MYO1H: variants seen among roughly 807,000 people sequenced by gnomAD.
MYO1H encodes the protein unconventional myosin-Ih.
MYO1H carries 118 observed loss-of-function variants against 149.3 expected under a neutral mutation model. The observed-to-expected ratio is 0.79, with a 90% CI of 0.68 to 0.92. The LOEUF is 0.92. MYO1H is among the 40% of genes least tolerant of loss of function. The pLI is 0.00. For synonymous variants in MYO1H, 447 were observed against 465.2 expected (o/e 0.96, Z 0.50); for missense variants, 1,212 against 1,280.7 (o/e 0.95, Z 0.82).
chr12:109,353,839 A>T (rs1868522204), intron 1 of MYO1H, among the ~76,000 whole-genome samples: 1 of 152,070 alleles, frequency 6.6e-6, no homozygotes, highest in Non-Finnish European at 1.5e-5. Flanking sequence ...TTTTTAGTAG[A>T]AACGGGGTTT....
At chr12:109,432,229 C>G (rs1871658071) in intron 19 of MYO1H, among the ~76,000 whole-genome samples, 1 of 152,052 alleles carries the variant, frequency 6.6e-6, no homozygotes. Context: ...TGGTCTCGAT[C>G]TCTTGACCTT....
At chr12:109,337,955 A>G in the MYO1H span, among the ~76,000 whole-genome samples, 1 of 152,170 alleles carries the variant, frequency 6.6e-6, no homozygotes, top group African/African-American at 2.4e-5. Context: ...CTACATAGGT[A>G]CAAAAAGCTC....
chr12:109,434,722 C>T (rs933182143), intron 20 of MYO1H, among the ~76,000 whole-genome samples: 4 of 152,184 alleles, frequency 2.6e-5, no homozygotes, highest in African/African-American at 9.7e-5. Flanking sequence ...CCTGCGGGAG[C>T]CTCTTTTAGC....
At chr12:109,334,065 G>A in the MYO1H span, among the ~76,000 whole-genome samples, 236 of 151,800 alleles carry the variant, frequency 1.6e-3, no homozygotes, top group African/African-American at 5.1e-3. Context: ...CGCCCAGGCC[G>A]GAGTACAGTG....
At chr12:109,424,937 T>C (rs1290977221) in intron 17 of MYO1H, 109 bp downstream of exon 17, 1 of 767,216 alleles carries the variant, frequency 1.3e-6, no homozygotes, top group East Asian at 2.7e-5. Context: ...AGTATTACTC[T>C]CTAACAGATT....
chr12:109,312,338 G>A, the MYO1H span, among the ~76,000 whole-genome samples: 1 of 152,040 alleles, frequency 6.6e-6, no homozygotes, highest in Admixed American at 6.6e-5. Flanking sequence ...TCAGCCTCCC[G>A]AGTAGCTGGG....
the MYO1H span, among the ~76,000 whole-genome samples, chr12:109,315,506 C>A: frequency 6.6e-6 from 1 of 152,202 alleles, no homozygotes; most frequent in Non-Finnish European, 1.5e-5. Flanking sequence ...CACAGACAGG[C>A]TTTGTTTGGC....
At chr12:109,381,379 G>T (rs1005402615) in intron 1 of MYO1H, among the ~76,000 whole-genome samples, 3 of 152,106 alleles carry the variant, frequency 2.0e-5, no homozygotes, top group African/African-American at 7.2e-5. Context: ...CACTACCGCA[G>T]TCCAGGCTGG....
At chr12:109,399,262 C>T (rs912395712) in intron 5 of MYO1H, among the ~76,000 whole-genome samples, 1 of 152,062 alleles carries the variant, frequency 6.6e-6, no homozygotes, top group Admixed American at 6.6e-5. Flanking sequence ...TATGTGTCCA[C>T]CTCTGTAACC....
At chr12:109,420,917 G>T in intron 15 of MYO1H, 64 bp from the exon 16 acceptor site, 1 of 850,640 alleles carries the variant, frequency 1.2e-6, no homozygotes, top group South Asian at 1.4e-5. Context: ...GCAATGAGTT[G>T]GGATGGAATT....
Position 109,397,829 on chromosome 12 carries a change from A to T in MYO1H, c.570+17A>T. On this transcript the variant is annotated intron_variant, in intron 5 of 31. Transcript: ENST00000310903. Reference sequence around the variant, plus strand: ...GATTTTCAGGTACACTGAAGCTCCTATTACTGGTTCATGGGGACCCCTTAT... The same window carrying T: ...GATTTTCAGGTACACTGAAGCTCCTTTTACTGGTTCATGGGGACCCCTTAT... 7 of 1,588,276 alleles carry T rather than the reference A, an allele frequency of 4.4e-6. No individual in the cohort carries two copies. The highest frequency in any genetic ancestry group is 6.0e-6 in the Non-Finnish European group (7 of 1,164,932).
At position 109,406,466 on chromosome 12, in the gene MYO1H, T is replaced by TAAA. The variant is rs1491248437; in HGVS notation, c.964-323_964-322insAAA. Among the ~76,000 whole-genome samples, 2 of 101,708 alleles carry TAAA rather than the reference T, an allele frequency of 2.0e-5. 1 individual carries two copies. The highest frequency in any genetic ancestry group is 3.9e-5 in the Non-Finnish European group (2 of 50,738). 66.7% of individuals were successfully genotyped at this position (101,708 alleles called of 152,430 possible). On this transcript the variant is annotated intron_variant, in intron 8 of 31. Transcript: ENST00000310903. ...GGGCAACATAGTGAGACCCTATCTC[T>TAAA]TAAAAAAAAAAAAAAAAAAAAAAAA...
intron 1 of MYO1H, among the ~76,000 whole-genome samples, chr12:109,369,587 G>A (rs1383612149): frequency 6.6e-6 from 1 of 152,176 alleles, no homozygotes; most frequent in African/African-American, 2.4e-5. Flanking sequence ...AGACATGCAT[G>A]TACATGTGTG....
chr12:109,444,374 T>C (rs1194062138), intron 29 of MYO1H, 58 bp from the exon 30 acceptor site: 3 of 1,566,016 alleles, frequency 1.9e-6, no homozygotes, highest in African/African-American at 1.4e-5. Context: ...TCTATTGGAG[T>C]GTCTGTTTCT....
the MYO1H span, among the ~76,000 whole-genome samples, chr12:109,334,560 A>G: frequency 6.6e-6 from 1 of 152,232 alleles, no homozygotes; most frequent in African/African-American, 2.4e-5. Context: ...CCAGGACCAG[A>G]TCCATTGAAA....
chr12:109,419,222 TCATA>T (rs1871064842), intron 15 of MYO1H, among the ~76,000 whole-genome samples: 2 of 151,112 alleles, frequency 1.3e-5, no homozygotes, highest in Admixed American at 6.6e-5. Flanking sequence ...ACACACTCAC[TCATA>T]CTCATTCACT....
At chr12:109,421,158 G>A in intron 16 of MYO1H, 131 bp downstream of exon 16, 1 of 616,098 alleles carries the variant, frequency 1.6e-6, no homozygotes, top group Non-Finnish European at 2.9e-6. Context: ...AGCATGTCAT[G>A]GCCAGAACAG....
At chr12:109,355,114 C>G (rs958009144) in intron 1 of MYO1H, among the ~76,000 whole-genome samples, 1 of 152,160 alleles carries the variant, frequency 6.6e-6, no homozygotes, top group Non-Finnish European at 1.5e-5. Context: ...GTAGCCGGAG[C>G]TGGCAGAAGT....
rs767217737 is a variant in MYO1H at position 109,439,830 on chromosome 12, C to T, written c.2454+40C>T. 90 of 1,570,312 alleles carry T rather than the reference C, an allele frequency of 5.7e-5. No homozygotes were observed. In the Middle Eastern group the frequency reaches 6.7e-4, roughly 12 times the overall value. ...GGGATTTCCAGTGTTGTAAGTAGCA[C>T]GGGCACTGACGAAGCTTAACTCTTG... is the stretch of plus-strand genomic sequence containing the variant. On this transcript the variant is annotated intron_variant, in intron 24 of 31. Transcript: ENST00000310903.
Sources: gnomAD v4.1 joint callset for allele counts (sites outside exome capture counted in the v4.1 genomes callset) on GRCh38, gnomAD v4.1.1 for gene constraint, MANE v1.5 for transcripts, NCBI Gene and HGNC (gene_info 2026-07-23, HGNC 2026-07-21) for gene names.